EYA1: variants seen among roughly 807,000 people sequenced by gnomAD.
EYA1 encodes EYA transcriptional coactivator and phosphatase 1.
EYA1 carries 16 observed loss-of-function variants against 82.0 expected under a neutral mutation model. The observed-to-expected ratio is 0.20, with a 90% CI of 0.13 to 0.30. The LOEUF is 0.30. EYA1 is among the 10% of genes least tolerant of loss of function. The probability of loss-of-function intolerance (pLI) is 1.00; values close to 1 mark genes in which losing one functional copy is unlikely to be tolerated. For synonymous variants in EYA1, 261 were observed against 264.4 expected, an observed-to-expected ratio of 0.99 and a Z score of 0.12; for missense variants, 633 against 730.7, an observed-to-expected ratio of 0.87 and a Z score of 1.54.
intron 2 of EYA1, among the ~76,000 whole-genome samples, chr8:71,400,426 C>A (rs529850239): frequency 6.6e-6 from 1 of 151,596 alleles, no homozygotes; most frequent in Non-Finnish European, 1.5e-5. Flanking sequence ...CCAGAAGGTA[C>A]AAGGAACTTT....
chr8:71,547,728 T>TCA (rs1815769034), intron 1 of EYA1: 1 of 151,214 alleles, frequency 6.6e-6, no homozygotes. Context: ...CGTCTCCTCG[T>TCA]CACGGCAACC....
At chr8:71,514,705 T>C (rs1304208990) in intron 2 of EYA1, among the ~76,000 whole-genome samples, 1 of 152,030 alleles carries the variant, frequency 6.6e-6, no homozygotes, top group Non-Finnish European at 1.5e-5. Flanking sequence ...GCCCCCATGA[T>C]TCAATTACCT....
intron 2 of EYA1, among the ~76,000 whole-genome samples, chr8:71,490,601 G>A (rs565327254): frequency 6.6e-6 from 1 of 152,164 alleles, no homozygotes; most frequent in Non-Finnish European, 1.5e-5. Flanking sequence ...TCGAGGAGCT[G>A]AAAAAAATAT....
chr8:71,546,593 C>A (rs928599138), intron 1 of EYA1, among the ~76,000 whole-genome samples: 5 of 151,948 alleles, frequency 3.3e-5, no homozygotes, highest in Non-Finnish European at 5.9e-5. Flanking sequence ...CTCCAACCTC[C>A]CTGGTTCAGA....
At chr8:71,417,779 C>T (rs1456372066) in intron 2 of EYA1, among the ~76,000 whole-genome samples, 1 of 152,140 alleles carries the variant, frequency 6.6e-6, no homozygotes, top group African/African-American at 2.4e-5. Context: ...GCCTCCCAAG[C>T]CCTTGACCCA....
At chr8:71,488,679 A>G (rs549269202) in intron 2 of EYA1, among the ~76,000 whole-genome samples, 32 of 152,320 alleles carry the variant, frequency 2.1e-4, no homozygotes, top group African/African-American at 7.5e-4. Flanking sequence ...TTACCAAACT[A>G]TATACTTGAA....
intron 2 of EYA1, among the ~76,000 whole-genome samples, chr8:71,488,033 A>T (rs1164035800): frequency 2.6e-5 from 4 of 152,192 alleles, no homozygotes; most frequent in African/African-American, 4.8e-5. Flanking sequence ...AACAACCAAA[A>T]AAAGGAGGGG....
intron 2 of EYA1, among the ~76,000 whole-genome samples, chr8:71,425,104 C>CAAAAAAAAAAAAAAAAAAAA (rs71264555): frequency 1.3e-5 from 1 of 75,292 alleles, no homozygotes; most frequent in Non-Finnish European, 2.3e-5. Context: ...ACTAAAAATA[C>CAAAAAAAAAAAAAAAAAAAA]AAAAAAAAAA....
intron 2 of EYA1, among the ~76,000 whole-genome samples, chr8:71,458,674 G>T (rs544369024): frequency 1.6e-4 from 25 of 152,186 alleles, no homozygotes; most frequent in Non-Finnish European, 2.8e-4. Flanking sequence ...GGACTCCAAG[G>T]TTGAGAGCTT....
At chr8:71,253,895 G>C (rs748503304) in intron 11 of EYA1, among the ~76,000 whole-genome samples, 3 of 152,134 alleles carry the variant, frequency 2.0e-5, no homozygotes, top group Non-Finnish European at 1.5e-5. Context: ...TGATACTTGA[G>C]AAAATATCAA....
intron 17 of EYA1, among the ~76,000 whole-genome samples, chr8:71,208,421 C>G (rs1325172818): frequency 6.6e-6 from 1 of 151,766 alleles, no homozygotes. Context: ...GACGGAGACT[C>G]TTTCTCAAAT....
chr8:71,341,334 TCAATGACAG>T (rs1218056460), intron 3 of EYA1, among the ~76,000 whole-genome samples: 3 of 152,198 alleles, frequency 2.0e-5, no homozygotes, highest in Non-Finnish European at 4.4e-5. Context: ...CGGGTTGGAT[TCAATGACAG>T]TATCACTCAC....
At chr8:71,432,169 G>A (rs1805669599) in intron 2 of EYA1, among the ~76,000 whole-genome samples, 1 of 152,126 alleles carries the variant, frequency 6.6e-6, no homozygotes, top group Admixed American at 6.5e-5. Flanking sequence ...TTATGGTTAA[G>A]AAGCATGTTT....
chr8:71,326,948 T>C (rs1823226114), intron 4 of EYA1, among the ~76,000 whole-genome samples: 1 of 152,188 alleles, frequency 6.6e-6, no homozygotes, highest in African/African-American at 2.4e-5. Flanking sequence ...CCCTCCATTA[T>C]CCTATCACAT....
At position 71,270,179 on chromosome 8, in the gene EYA1, A is replaced by T. The variant is rs183038873; in HGVS notation, c.967-356T>A. The T allele has an allele frequency of 4.0e-5, 8 of 200,406 alleles. No homozygotes were observed. In the East Asian group the frequency reaches 8.8e-4, roughly 22 times the overall value. The allele number at this position is 200,406 out of a possible 1,614,324, so 12.4% of individuals were successfully genotyped here. On this transcript the variant is annotated intron_variant, in intron 10 of 17. Transcript: ENST00000340726. ...TTGAGATAGAGATGAGCAACTAATCATATATCATTTATCTTTTCCTTACCT... is the reference window on the plus strand; with the variant it reads ...TTGAGATAGAGATGAGCAACTAATCTTATATCATTTATCTTTTCCTTACCT...
Position 71,199,257 on chromosome 8 carries a change from G to T in EYA1, c.*83C>A. On this transcript the variant is annotated 3_prime_UTR_variant, in exon 18 of 18. Coordinates refer to ENST00000340726, the MANE Select transcript of EYA1 (RefSeq NM_000503.6). ...AGGCGGAAATTGCTAAGTTCTGGAGGCCGGCGCTGATGCGAGACTGGGGCC... is the reference window on the plus strand; with the variant it reads ...AGGCGGAAATTGCTAAGTTCTGGAGTCCGGCGCTGATGCGAGACTGGGGCC... 1 of 1,003,092 alleles carries T rather than the reference G, an allele frequency of 1.0e-6. No homozygotes were observed. Among genetic ancestry groups the T allele is most frequent in the East Asian group, 2.6e-5 (1 of 38,606 alleles). 62.1% of individuals were successfully genotyped at this position (1,003,092 alleles called of 1,614,324 possible).
At chr8:71,496,380 C>T (rs553959618) in intron 2 of EYA1, among the ~76,000 whole-genome samples, 4 of 152,140 alleles carry the variant, frequency 2.6e-5, no homozygotes, top group Admixed American at 6.5e-5. Flanking sequence ...GCACTTAATT[C>T]ACTTAGATTA....
chr8:71,349,560 G>T (rs1207263753), intron 3 of EYA1, among the ~76,000 whole-genome samples: 4 of 152,064 alleles, frequency 2.6e-5, no homozygotes, highest in Admixed American at 6.6e-5. Flanking sequence ...TTTTTTTTGT[G>T]CATAAAATGG....
At chr8:71,327,980 T>C (rs1034011696) in intron 4 of EYA1, among the ~76,000 whole-genome samples, 3 of 150,724 alleles carry the variant, frequency 2.0e-5, no homozygotes, top group Non-Finnish European at 3.0e-5. Context: ...CTCAGCCTCC[T>C]GAATAGCTGG....
Sources: allele counts gnomAD v4.1 joint callset (sites outside exome capture counted in the v4.1 genomes callset), GRCh38; gene constraint gnomAD v4.1.1; transcripts MANE v1.5; gene names NCBI Gene and HGNC (gene_info 2026-07-23, HGNC 2026-07-21).